FGF13: variants seen among roughly 807,000 people sequenced by gnomAD.
FGF13 encodes the protein fibroblast growth factor homologous factor 2.
FGF13 carries 2 observed loss-of-function variants against 19.5 expected under a neutral mutation model. That is an observed-to-expected ratio of 0.10 (90% CI 0.04 to 0.32). The LOEUF is 0.32. Among genes scored for constraint, FGF13 ranks in the 10% least tolerant of loss-of-function variants. The pLI, the probability that FGF13 is intolerant of heterozygous loss-of-function variation, is 1.00. For synonymous variants in FGF13, 72 were observed against 76.9 expected, an observed-to-expected ratio of 0.94 and a Z score of 0.33; for missense variants, 113 against 192.7, an observed-to-expected ratio of 0.59 and a Z score of 2.45.
intron 3 of FGF13, among the ~76,000 whole-genome samples, chrX:138,671,675 C>G (rs1055590483): frequency 1.8e-5 from 2 of 110,745 alleles, no homozygotes; most frequent in Non-Finnish European, 3.8e-5. Flanking sequence ...AAACAGTGAG[C>G]AAAACAAAAA....
upstream of FGF13, among the ~76,000 whole-genome samples, chrX:138,740,055 T>C (rs2090308945): frequency 8.9e-6 from 1 of 112,214 alleles, no homozygotes; most frequent in Non-Finnish European, 1.9e-5. Context: ...ATCAAAATTT[T>C]AAGAAAAAGC....
chrX:138,724,010 A>G (rs1430706979), intron 1 of FGF13, among the ~76,000 whole-genome samples: 1 of 112,051 alleles, frequency 8.9e-6, no homozygotes, highest in Non-Finnish European at 1.9e-5. Context: ...TCACACAACC[A>G]GCAAGTGACA....
intron 3 of FGF13, among the ~76,000 whole-genome samples, chrX:138,779,832 C>G (rs1412072812): frequency 1.9e-5 from 2 of 105,374 alleles, no homozygotes; most frequent in Non-Finnish European, 3.9e-5. Flanking sequence ...AGATACTCCC[C>G]GAGAAGAGCA....
At chrX:139,166,663 T>G (rs1392445250) in intron 1 of FGF13, among the ~76,000 whole-genome samples, 1 of 111,216 alleles carries the variant, frequency 9.0e-6, no homozygotes, top group African/African-American at 3.3e-5. Context: ...AAGTGAGGCC[T>G]AATTGGAGGT....
At chrX:139,201,975 T>C (rs1223028218) in intron 1 of FGF13, among the ~76,000 whole-genome samples, 2 of 112,417 alleles carry the variant, frequency 1.8e-5, no homozygotes, top group Non-Finnish European at 3.8e-5. Flanking sequence ...AGCCATAATT[T>C]CAAGTGCTAA....
At chrX:139,189,189 G>A (rs2148275991) in intron 1 of FGF13, among the ~76,000 whole-genome samples, 1 of 110,788 alleles carries the variant, frequency 9.0e-6, no homozygotes, top group East Asian at 2.9e-4. Flanking sequence ...CATTTGGATT[G>A]ATGCCTCAAT....
intron 3 of FGF13, among the ~76,000 whole-genome samples, chrX:138,756,550 C>T (rs767566279): frequency 9.8e-5 from 11 of 112,692 alleles, no homozygotes; most frequent in South Asian, 3.7e-4. Context: ...GGCTAAGCAA[C>T]GGGCCCAAAT....
chrX:138,960,818 C>G lies in FGF13; in HGVS notation c.-112-96168G>C, dbSNP rs182639387. Among the ~76,000 whole-genome samples the G allele has an allele frequency of 4.5e-5, 5 of 111,905 alleles. No homozygotes were observed. In the East Asian group the frequency reaches 1.4e-3, roughly 32 times the overall value. On this transcript the variant is annotated intron_variant, in intron 1 of 2. Transcript: ENST00000421460. ...ATCGAATCAGCTACTGAAGCTTGTG[C>G]ATGCATCAAATAGTTCTCGTGCCAT...
At chrX:138,696,458 C>T (rs1288568489) in intron 3 of FGF13, among the ~76,000 whole-genome samples, 3 of 111,642 alleles carry the variant, frequency 2.7e-5, no homozygotes, top group Non-Finnish European at 3.8e-5. Context: ...CTGAATTGTA[C>T]ACACTTTAAA....
chrX:138,936,806 C>T (rs758464802), intron 1 of FGF13, among the ~76,000 whole-genome samples: 4 of 112,105 alleles, frequency 3.6e-5, no homozygotes, highest in African/African-American at 1.3e-4. Context: ...AATGTTTCCC[C>T]ATTCTCCCTC....
intron 1 of FGF13, among the ~76,000 whole-genome samples, chrX:139,060,916 C>T (rs1190454930): frequency 9.0e-6 from 1 of 110,585 alleles, no homozygotes; most frequent in African/African-American, 3.3e-5. Context: ...TATTTCTAGT[C>T]CTTCTGTCCC....
intron 3 of FGF13, among the ~76,000 whole-genome samples, chrX:138,843,171 C>T (rs1697708576): frequency 8.9e-6 from 1 of 112,224 alleles, no homozygotes; most frequent in Admixed American, 9.5e-5. Flanking sequence ...CTCCAACCAG[C>T]AGTGATTTTA....
At chrX:139,128,274 C>T (rs1282824664) in intron 1 of FGF13, among the ~76,000 whole-genome samples, 1 of 111,266 alleles carries the variant, frequency 9.0e-6, no homozygotes, top group Non-Finnish European at 1.9e-5. Context: ...GTCTGTTTCC[C>T]AGTTCCTAAA....
At chrX:138,903,707 C>A (rs1482281024) in intron 1 of FGF13, among the ~76,000 whole-genome samples, 2 of 112,003 alleles carry the variant, frequency 1.8e-5, no homozygotes, top group Admixed American at 1.9e-4. Context: ...AAGGTATCTG[C>A]TCCCTCTATT....
Position 138,708,870 on chromosome X carries a change from C to T in FGF13, c.246G>A (p.Gln82=), listed in dbSNP as rs376431682. Reference sequence around the variant, plus strand: ...CATCAATGGTTCCATCCGCCTGCAGCTGCAAGTGGTAGCCTTGTCGGCTGT... The same window carrying T: ...CATCAATGGTTCCATCCGCCTGCAGTTGCAAGTGGTAGCCTTGTCGGCTGT... ...KLYSRQGYHL[Q]LQADGTIDGT... The change falls in exon 2 of 5, where the codon CAG becomes CAA. Residue 82 remains glutamine (Q), a synonymous_variant. Transcript: ENST00000315930. The T allele has an allele frequency of 5.8e-6, 7 of 1,209,504 alleles. No homozygotes were observed. The highest frequency in any genetic ancestry group is 7.8e-6 in the Non-Finnish European group (7 of 894,445).
intron 1 of FGF13, among the ~76,000 whole-genome samples, chrX:139,083,799 AG>A (rs1373432284): frequency 9.0e-6 from 1 of 111,317 alleles, no homozygotes; most frequent in East Asian, 2.8e-4. Flanking sequence ...TGAACCAGGG[AG>A]TCAGAGGTTG....
chrX:139,100,126 A>G (rs1051055033), intron 1 of FGF13, among the ~76,000 whole-genome samples: 1 of 108,965 alleles, frequency 9.2e-6, no homozygotes, highest in Admixed American at 9.8e-5. Context: ...AGGCAAAATA[A>G]CTTCTCTGGG....
intron 1 of FGF13, among the ~76,000 whole-genome samples, chrX:139,183,169 G>A (rs1039219580): frequency 1.2e-4 from 13 of 112,027 alleles, no homozygotes; most frequent in African/African-American, 3.9e-4. Context: ...CCATTGGCTG[G>A]CAGGACACGC....
intron 1 of FGF13, among the ~76,000 whole-genome samples, chrX:139,152,327 A>C (rs1381352806): frequency 1.1e-5 from 1 of 90,664 alleles, no homozygotes; most frequent in African/African-American, 3.7e-5. Flanking sequence ...AAAAAAAAAC[A>C]AAAAAAAAAA....
Sources: allele counts gnomAD v4.1 joint callset (sites outside exome capture counted in the v4.1 genomes callset), GRCh38; gene constraint gnomAD v4.1.1; transcripts MANE v1.5; gene names NCBI Gene and HGNC (gene_info 2026-07-23, HGNC 2026-07-21).